The following KTN1 variants were observed in gnomAD, a reference collection of about 807,000 sequenced individuals.
The protein encoded by KTN1 is kinectin 1.
In KTN1, 130 loss-of-function variants were observed where a neutral mutation model predicts 222.5. The observed-to-expected ratio is 0.58, with a 90% CI of 0.51 to 0.68. The LOEUF (loss-of-function observed/expected upper bound fraction) is 0.68, where lower values mean the gene tolerates loss of function less well. Ranked by LOEUF, KTN1 falls within the 30% of genes least tolerant of loss-of-function variation. The pLI is 0.00. For synonymous variants in KTN1, 512 were observed against 496.3 expected, an observed-to-expected ratio of 1.03 and a Z score of -0.42; for missense variants, 1,508 against 1,500.4, an observed-to-expected ratio of 1.01 and a Z score of -0.08.
At chr14:55,625,996 C>T (rs1291520405) in intron 5 of KTN1, among the ~76,000 whole-genome samples, 1 of 152,058 alleles carries the variant, frequency 6.6e-6, no homozygotes, top group African/African-American at 2.4e-5. Context: ...ATTTCTTTGG[C>T]ATTCAGTAAT....
intron 35 of KTN1, chr14:55,671,211 G>T: frequency 3.9e-6 from 1 of 255,334 alleles, no homozygotes; most frequent in African/African-American, 2.2e-5. Flanking sequence ...ACTGAAATTG[G>T]GGGGGATTTA....
chr14:55,657,889 G>C (rs541138111), intron 29 of KTN1, among the ~76,000 whole-genome samples: 6 of 151,720 alleles, frequency 4.0e-5, no homozygotes, highest in South Asian at 2.1e-4. Context: ...ACTCCAGCCT[G>C]GGTAACACAG....
At chr14:55,599,135 G>A (rs2140443416) in intron 1 of KTN1, among the ~76,000 whole-genome samples, 1 of 152,188 alleles carries the variant, frequency 6.6e-6, no homozygotes, top group East Asian at 1.9e-4. Flanking sequence ...GTGTACATAT[G>A]TATGTACACA....
chr14:55,627,880 T>C (rs937039881), intron 5 of KTN1, 32 bp from the exon 6 acceptor site: 2 of 1,229,052 alleles, frequency 1.6e-6, no homozygotes, highest in Admixed American at 1.7e-5. Context: ...ATGGTAACTA[T>C]TACTAATTCT....
At chr14:55,601,637 A>G (rs1015752749) in intron 1 of KTN1, 2 of 152,182 alleles carry the variant, frequency 1.3e-5, no homozygotes, top group African/African-American at 2.4e-5. Flanking sequence ...AGAGTCATTT[A>G]TTTTTAAAAA....
chr14:55,653,933 G>T (rs1301573745), intron 28 of KTN1, among the ~76,000 whole-genome samples: 3 of 152,032 alleles, frequency 2.0e-5, no homozygotes, highest in East Asian at 1.9e-4. Context: ...ATTAGTATTT[G>T]AATTAGATGT....
At chr14:55,617,555 AGAACTT>A (rs1288413761) in intron 3 of KTN1, among the ~76,000 whole-genome samples, 1 of 152,216 alleles carries the variant, frequency 6.6e-6, no homozygotes, top group African/African-American at 2.4e-5. Flanking sequence ...GCAAGTACAA[AGAACTT>A]GTTTAAAAAT....
chr14:55,648,748 A>T (rs2042641131), intron 20 of KTN1, 54 bp from the exon 21 acceptor site: 3 of 1,137,062 alleles, frequency 2.6e-6, no homozygotes, highest in East Asian at 4.7e-5. Flanking sequence ...TTTTGAAGCT[A>T]GCTATATTTT....
Position 55,667,256 on chromosome 14 carries a change from G to A in KTN1, c.3193G>A (p.Val1065Met), listed in dbSNP as rs1252897941. 1.9e-6 allele frequency: 3 copies of A among 1,601,314 alleles called. No individual in the cohort carries two copies. Among genetic ancestry groups the A allele is most frequent in the Non-Finnish European group, 2.6e-6 (3 of 1,172,938 alleles). ...NKTSKERQQQ[V>M]EAVELEAKEV... ...TCTGCTTTAGGAAAGGCAGCAACAG[G>A]TGGAAGCTGTTGAGTTGGAGGCTAA... The change falls in exon 34 of 44, where the codon GTG becomes ATG. Residue 1065 changes from valine to methionine, a missense_variant. By Grantham distance (21) the Val-to-Met change is conservative. Coordinates refer to ENST00000395314, the MANE Select transcript of KTN1 (RefSeq NM_001079521.2).
chr14:55,656,292 T>C (rs2141171027), intron 29 of KTN1, 160 bp downstream of exon 29: 1 of 591,982 alleles, frequency 1.7e-6, no homozygotes, highest in East Asian at 2.8e-5. Flanking sequence ...TAAGTACCCA[T>C]GCATAAAATG....
chr14:55,654,158 C>G (rs961123505), intron 28 of KTN1, among the ~76,000 whole-genome samples: 1 of 152,140 alleles, frequency 6.6e-6, no homozygotes, highest in Non-Finnish European at 1.5e-5. Flanking sequence ...AGTCTGTTGT[C>G]TTAAGGTACA....
At chr14:55,669,157 G>A (rs1345379934) in intron 34 of KTN1, among the ~76,000 whole-genome samples, 1 of 151,846 alleles carries the variant, frequency 6.6e-6, no homozygotes, top group Non-Finnish European at 1.5e-5. Context: ...AGTACTTTAT[G>A]AGCCAAGAGA....
At chr14:55,624,742 T>G (rs551458661) in intron 5 of KTN1, among the ~76,000 whole-genome samples, 27 of 152,186 alleles carry the variant, frequency 1.8e-4, no homozygotes, top group African/African-American at 6.0e-4. Context: ...AGGAGCGAAG[T>G]GGTGGGAGGA....
intron 1 of KTN1, among the ~76,000 whole-genome samples, chr14:55,591,198 G>A (rs1273902009): frequency 6.6e-6 from 1 of 152,102 alleles, no homozygotes; most frequent in African/African-American, 2.4e-5. Flanking sequence ...CTCACAATAA[G>A]AAACACATTT....
intron 4 of KTN1, 86 bp from the exon 5 acceptor site, chr14:55,619,096 G>A (rs2038786707): frequency 9.2e-7 from 1 of 1,089,944 alleles, no homozygotes; most frequent in African/African-American, 1.6e-5. Context: ...TCTGGGCCGT[G>A]AATTCTTCAT....
At chr14:55,627,609 C>G (rs2039998759) in intron 5 of KTN1, among the ~76,000 whole-genome samples, 1 of 152,080 alleles carries the variant, frequency 6.6e-6, no homozygotes, top group Non-Finnish European at 1.5e-5. Flanking sequence ...TCCCCTATTC[C>G]CCCACGCCCC....
chr14:55,634,854 ATCT>A (rs906853861), intron 9 of KTN1, among the ~76,000 whole-genome samples, 196 bp downstream of exon 9: 4 of 152,158 alleles, frequency 2.6e-5, no homozygotes, highest in Non-Finnish European at 4.4e-5. Context: ...GCAGCAAAGC[ATCT>A]TCTTCACGAA....
intron 1 of KTN1, among the ~76,000 whole-genome samples, chr14:55,591,520 G>T (rs1363540642): frequency 2.0e-5 from 3 of 149,326 alleles, no homozygotes; most frequent in Non-Finnish European, 4.4e-5. Context: ...GCAAAAACCA[G>T]TTAGCCTATT....
At chr14:55,662,944 C>T in intron 32 of KTN1, 2 of 455,912 alleles carry the variant, frequency 4.4e-6, no homozygotes, top group South Asian at 3.1e-5. Context: ...GCGCTGGAGA[C>T]ATTGAACCCG....
Sources: allele counts gnomAD v4.1 joint callset (sites outside exome capture counted in the v4.1 genomes callset), GRCh38; gene constraint gnomAD v4.1.1; transcripts MANE v1.5; gene names NCBI Gene and HGNC (gene_info 2026-07-23, HGNC 2026-07-21).